Variants in MCU observed in about 807,000 individuals in gnomAD.
The protein encoded by MCU is mitochondrial calcium uniporter.
In MCU, 12 loss-of-function variants were observed where a neutral mutation model predicts 45.2. The observed-to-expected ratio is 0.27, with a 90% CI of 0.17 to 0.43. The LOEUF (loss-of-function observed/expected upper bound fraction) is 0.43, where lower values mean the gene tolerates loss of function less well. Ranked by LOEUF, MCU falls within the 20% of genes least tolerant of loss-of-function variation. The probability of loss-of-function intolerance (pLI) is 1.00; values close to 1 mark genes in which losing one functional copy is unlikely to be tolerated. For synonymous variants in MCU, 160 were observed against 165.1 expected (o/e 0.97, Z 0.24); for missense variants, 324 against 436.7 (o/e 0.74, Z 2.30).
At chr10:72,695,166 C>G (rs948695370) in intron 1 of MCU, among the ~76,000 whole-genome samples, 1 of 152,196 alleles carries the variant, frequency 6.6e-6, no homozygotes, top group Non-Finnish European at 1.5e-5. Context: ...ACTATTTCGT[C>G]TCTGATTATG....
At chr10:72,861,537 G>A (rs565287893) in intron 4 of MCU, 246 of 210,806 alleles carry the variant, frequency 1.2e-3, no homozygotes, top group African/African-American at 5.4e-3. Flanking sequence ...AGCCAGATAC[G>A]GGTTTCACCA....
At chr10:72,765,112 GTT>G (rs1431517977) in intron 1 of MCU, among the ~76,000 whole-genome samples, 2 of 150,596 alleles carry the variant, frequency 1.3e-5, no homozygotes, top group African/African-American at 4.9e-5. Flanking sequence ...AAAAGAGAGA[GTT>G]AGGGCATGTA....
intron 2 of MCU, among the ~76,000 whole-genome samples, chr10:72,846,321 G>T (rs781746176): frequency 9.2e-5 from 14 of 152,354 alleles, no homozygotes; most frequent in Non-Finnish European, 1.9e-4. Context: ...GGGATCACAG[G>T]TGTGAGCCAC....
intron 1 of MCU, among the ~76,000 whole-genome samples, chr10:72,783,471 CCA>C (rs1427039291): frequency 2.7e-5 from 4 of 150,266 alleles, no homozygotes; most frequent in African/African-American, 1.0e-4. Flanking sequence ...ATGCCATGTG[CCA>C]CTTATTCAAC....
chr10:72,858,759 A>G (rs961026590), intron 2 of MCU, among the ~76,000 whole-genome samples: 2 of 152,176 alleles, frequency 1.3e-5, no homozygotes, highest in African/African-American at 4.8e-5. Context: ...AGTCTCACTT[A>G]TTAGTGTACT....
chr10:72,741,344 G>A lies in MCU; in HGVS notation c.150+49043G>A, dbSNP rs376465597. 4.3e-3 allele frequency among the ~76,000 whole-genome samples: 651 copies of A among 152,174 alleles called. 5 individuals carry two copies. Among genetic ancestry groups the A allele is most frequent in the African/African-American group, 0.015 (618 of 41,542 alleles). On this transcript the variant is annotated intron_variant, in intron 1 of 7. Coordinates refer to ENST00000373053, the MANE Select transcript of MCU (RefSeq NM_138357.3). ...TCAAACTCCTGACCTCAGGTGATCC[G>A]CCCGCCTTGGCCTTCCAAAGTGCTG...
At chr10:72,800,295 A>G (rs1485610669) in intron 1 of MCU, among the ~76,000 whole-genome samples, 1 of 152,220 alleles carries the variant, frequency 6.6e-6, no homozygotes, top group Non-Finnish European at 1.5e-5. Flanking sequence ...TCCTGCCCAC[A>G]GTTATTTAAA....
At chr10:72,719,947 G>A (rs1842999427) in intron 1 of MCU, among the ~76,000 whole-genome samples, 1 of 152,182 alleles carries the variant, frequency 6.6e-6, no homozygotes, top group African/African-American at 2.4e-5. Flanking sequence ...GTGTGGCACA[G>A]GCTGGTCTTG....
At chr10:72,861,656 ATTT>A (rs760388938) in intron 4 of MCU, 952 of 326,606 alleles carry the variant, frequency 2.9e-3, no homozygotes, top group East Asian at 5.8e-3. Context: ...CGCCAGGCTA[ATTT>A]TTTTTTTTTT....
At position 72,704,682 on chromosome 10, in the gene MCU, C is replaced by CA. The variant is rs533627523; in HGVS notation, c.150+12382dup. The stretch of plus-strand genomic sequence containing the variant: ...CATCCCAAGTAACTGGGACTACAGG[C>CA]ATGCACTGTCATGCCTGGATAATTT... On this transcript the variant is annotated intron_variant, in intron 1 of 7. Transcript: ENST00000373053. 2.9e-3 allele frequency among the ~76,000 whole-genome samples: 436 copies of CA among 148,282 alleles called. 2 individuals carry two copies. Among genetic ancestry groups the CA allele is most frequent in the African/African-American group, 0.01 (406 of 40,350 alleles).
chr10:72,861,064 A>G (rs1367099663), intron 4 of MCU, among the ~76,000 whole-genome samples: 1 of 152,010 alleles, frequency 6.6e-6, no homozygotes, highest in African/African-American at 2.4e-5. Context: ...TCACCCTGTC[A>G]CCCAGGATGG....
intron 2 of MCU, among the ~76,000 whole-genome samples, chr10:72,849,253 C>T (rs1446832318): frequency 7.5e-6 from 1 of 132,912 alleles, no homozygotes; most frequent in African/African-American, 2.9e-5. Flanking sequence ...TGCACTCCAG[C>T]GTGGGTGATA....
intron 1 of MCU, among the ~76,000 whole-genome samples, chr10:72,739,795 G>A (rs959016966): frequency 1.6e-4 from 24 of 151,142 alleles, no homozygotes; most frequent in Admixed American, 1.1e-3. Flanking sequence ...TCTTGCCTTA[G>A]CCTCCCGAGT....
intron 4 of MCU, among the ~76,000 whole-genome samples, chr10:72,866,160 C>T (rs975980891): frequency 6.6e-6 from 1 of 151,924 alleles, no homozygotes; most frequent in East Asian, 1.9e-4. Context: ...TTGTTTCTAC[C>T]TTGTGTCTTT....
In MCU at chr10:72,805,101, C is replaced by CTTTCTT. The variant is rs1554824914; in HGVS notation, c.151-29257_151-29256insTTCTTT. ...TGTTTCTTTCTTTCTTTCTTTCTTT[C>CTTTCTT]TCTTTCTTTCTTTCTTTCTTTCTTT... On this transcript the variant is annotated intron_variant, in intron 1 of 7. Transcript: ENST00000373053. Among the ~76,000 whole-genome samples, 843 of 103,390 alleles carry CTTTCTT rather than the reference C, an allele frequency of 8.2e-3. 15 individuals are homozygous for CTTTCTT. Among genetic ancestry groups the CTTTCTT allele is most frequent in the African/African-American group, 0.024 (560 of 23,252 alleles). The allele number at this position is 103,390 out of a possible 152,430, so 67.8% of individuals were successfully genotyped here. A position where few individuals can be genotyped will look rare whatever the true frequency, so the allele number is the denominator to read the frequency against.
Position 72,784,302 on chromosome 10 carries a change from G to A in MCU, c.151-50057G>A, listed in dbSNP as rs564203706. 1.1e-4 allele frequency among the ~76,000 whole-genome samples: 16 copies of A among 152,244 alleles called. No homozygotes were observed. The East Asian group carries it at 1.9e-3, about 18-fold the overall frequency. On this transcript the variant is annotated intron_variant, in intron 1 of 7. Transcript: ENST00000373053. ...GATCCTATCAAATTAATACTGTCAC[G>A]TTTGGAAAATGTTGCTCTGTTTTGA...
chr10:72,795,931 G>A (rs1187111081), intron 1 of MCU, among the ~76,000 whole-genome samples: 4 of 152,024 alleles, frequency 2.6e-5, no homozygotes, highest in East Asian at 1.9e-4. Flanking sequence ...CTGGGAGGCC[G>A]AGGTTGCAGT....
intron 5 of MCU, 23 bp from the exon 6 acceptor site, chr10:72,871,354 T>C: frequency 6.2e-7 from 1 of 1,611,446 alleles, no homozygotes; most frequent in Non-Finnish European, 8.5e-7. Context: ...TCAAAATGCC[T>C]TATGATTATG....
chr10:72,855,262 T>C lies in MCU; in HGVS notation c.221-3915T>C, dbSNP rs1756484008. 2.6e-5 allele frequency among the ~76,000 whole-genome samples: 4 copies of C among 151,510 alleles called. 1 individual carries two copies. The highest frequency in any genetic ancestry group is 4.2e-4 in the South Asian group (2 of 4,788). ...TCAAAAAAAATAAAAATAAATAAAA[T>C]AAGGTATATTTAATAAGTCAATAGC... On this transcript the variant is annotated intron_variant, in intron 2 of 7. Transcript: ENST00000373053.
Sources: gnomAD v4.1 joint callset for allele counts (sites outside exome capture counted in the v4.1 genomes callset) on GRCh38, gnomAD v4.1.1 for gene constraint, MANE v1.5 for transcripts, NCBI Gene and HGNC (gene_info 2026-07-23, HGNC 2026-07-21) for gene names.